Variants in NPC1 observed in about 807,000 individuals in gnomAD.
The protein encoded by NPC1 is NPC intracellular cholesterol transporter 1, also known as Niemann-Pick C1 protein.
Under a neutral mutation model 140.4 loss-of-function variants are expected in NPC1, and 85 were observed. The observed-to-expected ratio is 0.61, with a 90% CI of 0.51 to 0.72. The LOEUF is 0.72. Ranked by LOEUF, NPC1 falls within the 30% of genes least tolerant of loss-of-function variation. NPC1 has a pLI of 0.00. For missense variants in NPC1, 1,504 were observed against 1,623.8 expected (o/e 0.93, Z 1.27); for synonymous variants, 656 against 624.8 (o/e 1.05, Z -0.74).
chr18:23,531,654 T>C lies in NPC1; in HGVS notation c.*548A>G. On this transcript the variant is annotated 3_prime_UTR_variant, in exon 25 of 25. Transcript: ENST00000269228. ...ACACTGTGAAGAACATGTTGCTTTT[T>C]TCAAACAGATTTTTGGAGACCAAGC... 2 of 1,613,552 alleles carry C rather than the reference T, an allele frequency of 1.2e-6. No homozygotes were observed. Among genetic ancestry groups the C allele is most frequent in the Non-Finnish European group, 1.7e-6 (2 of 1,179,914 alleles).
chr18:23,552,963 G>C (rs529101653), intron 9 of NPC1, among the ~76,000 whole-genome samples: 3 of 152,342 alleles, frequency 2.0e-5, no homozygotes, highest in Admixed American at 2.0e-4. Flanking sequence ...GCAGGTAAGG[G>C]CATGGTTCTG....
At chr18:23,519,076 G>A, downstream of NPC1, 1 of 1,614,170 alleles carries the variant, frequency 6.2e-7, no homozygotes, top group Non-Finnish European at 8.5e-7. Context: ...CAGAGAAGGT[G>A]CCTGTAAAAA....
intron 2 of NPC1, among the ~76,000 whole-genome samples, chr18:23,573,229 T>C (rs2059228281): frequency 1.3e-5 from 2 of 152,222 alleles, no homozygotes; most frequent in Admixed American, 1.3e-4. Context: ...ATTGGGAAAC[T>C]TTATGAGAGG....
chr18:23,586,300 A>C lies in NPC1; in HGVS notation c.44T>G (p.Leu15Arg), dbSNP rs2059417979. The change falls in exon 1 of 25, where the codon CTG (leucine) becomes CGG (arginine). Residue 15 changes from leucine to arginine, a missense_variant. Physicochemically the swap from Leu to Arg is moderately radical, Grantham distance 102. Transcript: ENST00000269228. ...GCGACCGCTCACCTGCGCTGGACAC[A>C]GTAGCAGCAGGAGGAGGCCAAGGGC... Reference protein sequence around the residue: ...GLALGLLLLLLCPAQVFSQSC... With the variant: ...GLALGLLLLLRCPAQVFSQSC... 6.5e-7 allele frequency: 1 copy of C among 1,533,896 alleles called. No individual in the cohort carries two copies. Among genetic ancestry groups the C allele is most frequent in the Non-Finnish European group, 8.7e-7 (1 of 1,146,238 alleles).
At chr18:23,585,846 G>A (rs1210368700) in intron 1 of NPC1, among the ~76,000 whole-genome samples, 1 of 152,212 alleles carries the variant, frequency 6.6e-6, no homozygotes, top group Non-Finnish European at 1.5e-5. Flanking sequence ...GGTGCTTGAG[G>A]AAGTTTGTGT....
At chr18:23,507,263 AT>A (rs1223016382) in intron 3 of NPC1, among the ~76,000 whole-genome samples, 1 of 152,188 alleles carries the variant, frequency 6.6e-6, no homozygotes, top group African/African-American at 2.4e-5. Context: ...TTTAAATTAA[AT>A]TAAAAATTTT....
chr18:23,580,191 G>C (rs2059340859), intron 1 of NPC1, among the ~76,000 whole-genome samples: 1 of 152,118 alleles, frequency 6.6e-6, no homozygotes, highest in South Asian at 2.1e-4. Context: ...TTACAGGTAA[G>C]TGAACTCAGG....
downstream of NPC1, chr18:23,528,390 T>C (rs2058371454): frequency 6.5e-6 from 1 of 154,668 alleles, no homozygotes; most frequent in South Asian, 2.0e-4. Flanking sequence ...CCATGGCTTA[T>C]CGCCACCAAT....
chr18:23,540,094 G>A (rs1339780051), intron 17 of NPC1, 93 bp from the exon 18 acceptor site: 6 of 1,125,660 alleles, frequency 5.3e-6, no homozygotes, highest in Non-Finnish European at 7.9e-6. Flanking sequence ...GGTGCCAGGA[G>A]GTTCCTGGCT....
chr18:23,567,548 G>A (rs1175083768), intron 4 of NPC1, among the ~76,000 whole-genome samples: 1 of 152,164 alleles, frequency 6.6e-6, no homozygotes, highest in Non-Finnish European at 1.5e-5. Flanking sequence ...TTACTAACAT[G>A]TCTTTTGCAA....
chr18:23,568,064 T>C (rs1162936845), intron 4 of NPC1, among the ~76,000 whole-genome samples: 1 of 152,192 alleles, frequency 6.6e-6, no homozygotes, highest in Admixed American at 6.5e-5. Flanking sequence ...CACAATTGAT[T>C]TTTTTATTTT....
exon 2 of NPC1, chr18:23,522,880 G>T (rs199841316): frequency 6.6e-6 from 1 of 152,040 alleles, no homozygotes; most frequent in African/African-American, 2.4e-5. Flanking sequence ...CTGCCACTGG[G>T]TGGGCGTGCT....
chr18:23,565,682 T>C lies in NPC1; in HGVS notation c.463+3141A>G, dbSNP rs111627247. ...CTTTAAAGTGTTTTGCCTTCTGTTA[T>C]AGTTACTCCTAAGTATTTCCCATAC... On this transcript the variant is annotated intron_variant, in intron 4 of 24. Coordinates refer to ENST00000269228, the MANE Select transcript of NPC1 (RefSeq NM_000271.5). Among the ~76,000 whole-genome samples, 741 of 152,312 alleles carry C rather than the reference T, an allele frequency of 4.9e-3. 4 individuals are homozygous for C. The highest frequency in any genetic ancestry group is 0.017 in the African/African-American group (705 of 41,564).
rs954878527 is a variant in NPC1, at chr18:23,540,069, C to G, written c.2605-68G>C. 36 of 1,417,072 alleles carry G rather than the reference C, an allele frequency of 2.5e-5. No individual in the cohort carries two copies. The African/African-American group carries it at 4.5e-4, about 18-fold the overall frequency. 87.8% of individuals were successfully genotyped at this position (1,417,072 alleles called of 1,614,324 possible). On this transcript the variant is annotated intron_variant, in intron 17 of 24. Transcript: ENST00000269228. The stretch of plus-strand genomic sequence containing the variant: ...GATAGTAACTAAGCAAGGCGAGGAT[C>G]ATGGAGAATAAGAGGGTGCCAGGAG...
At chr18:23,577,817 C>T (rs1032761671) in intron 1 of NPC1, among the ~76,000 whole-genome samples, 1 of 152,262 alleles carries the variant, frequency 6.6e-6, no homozygotes, top group Non-Finnish European at 1.5e-5. Context: ...GAGCGCAGCG[C>T]CGGTGGGCCG....
At chr18:23,576,369 C>A (rs923367332) in intron 1 of NPC1, 1 of 524,316 alleles carries the variant, frequency 1.9e-6, no homozygotes, top group African/African-American at 2.1e-5. Flanking sequence ...CTGCAGTGAG[C>A]TGAGATAGCA....
intron 4 of NPC1, among the ~76,000 whole-genome samples, chr18:23,561,801 C>T (rs765561529): frequency 6.6e-6 from 1 of 152,178 alleles, no homozygotes; most frequent in Non-Finnish European, 1.5e-5. Flanking sequence ...GCTCTCACAA[C>T]AGCTTGGAGA....
Position 23,573,470 on chromosome 18 carries a change from A to G in NPC1, c.162T>C (p.Asp54=). Residue 54 remains aspartate (D), a synonymous_variant, in exon 2 of 25, where the codon GAT becomes GAC. Transcript: ENST00000269228. Reference sequence around the variant, plus strand: ...AACTTACCTGCACTAAGTCATATCCATCCTTTGGCAATGGTTTTGGTGGGC... The same window carrying G: ...AACTTACCTGCACTAAGTCATATCCGTCCTTTGGCAATGGTTTTGGTGGGC... ...YSGPPKPLPK[D]GYDLVQELCP... 1 of 1,614,188 alleles carries G rather than the reference A, an allele frequency of 6.2e-7. No individual in the cohort carries two copies. Among genetic ancestry groups the G allele is most frequent in the South Asian group, 1.1e-5 (1 of 91,088 alleles).
rs1286922325 is a variant in NPC1 at position 23,557,298 on chromosome 18, C to T, written c.882-108G>A. ...AATGCTTTCTTCCTCCTCCTGGCCT[C>T]CTCCTCCCTAATTACTGCCTTCTTT... On this transcript the variant is annotated intron_variant, in intron 6 of 24. Coordinates refer to ENST00000269228, the MANE Select transcript of NPC1 (RefSeq NM_000271.5). 6 of 804,778 alleles carry T rather than the reference C, an allele frequency of 7.5e-6. No individual in the cohort carries two copies. In the Admixed American group the frequency reaches 1.2e-4, roughly 16 times the overall value. The allele number at this position is 804,778 out of a possible 1,614,324, so 49.9% of individuals were successfully genotyped here.
Sources: allele counts gnomAD v4.1 joint callset (sites outside exome capture counted in the v4.1 genomes callset), GRCh38; gene constraint gnomAD v4.1.1; transcripts MANE v1.5; gene names NCBI Gene and HGNC (gene_info 2026-07-23, HGNC 2026-07-21).